PDE1C: variants seen among roughly 807,000 people sequenced by gnomAD.
PDE1C encodes phosphodiesterase 1C, also known as dual specificity calcium/calmodulin-dependent 3',5'-cyclic nucleotide phosphodiesterase 1C.
Under a neutral mutation model 93.1 loss-of-function variants are expected in PDE1C, and 62 were observed. That is an observed-to-expected ratio of 0.67 (90% confidence interval 0.54 to 0.82). PDE1C has a LOEUF of 0.82. PDE1C is among the 40% of genes least tolerant of loss of function. The probability of loss-of-function intolerance (pLI) is 0.00; values close to 1 mark genes in which losing one functional copy is unlikely to be tolerated. For synonymous variants in PDE1C, 325 were observed against 310.1 expected (o/e 1.05, Z -0.50); for missense variants, 742 against 884.6 (o/e 0.84, Z 2.04).
intron 1 of PDE1C, among the ~76,000 whole-genome samples, chr7:32,321,342 A>C (rs75477578): frequency 6.8e-4 from 103 of 152,358 alleles, no homozygotes; most frequent in Middle Eastern, 6.8e-3. Flanking sequence ...ATGACAATAA[A>C]TGTAGGAGGA....
chr7:31,789,937 C>A (rs996566886), intron 16 of PDE1C: 45 of 1,168,578 alleles, frequency 3.9e-5, no homozygotes, highest in African/African-American at 3.4e-4. Flanking sequence ...AGGTCATTAG[C>A]AAAGGATTTT....
At chr7:32,382,429 G>A (rs2128090544) in intron 1 of PDE1C, among the ~76,000 whole-genome samples, 1 of 152,256 alleles carries the variant, frequency 6.6e-6, no homozygotes, top group South Asian at 2.1e-4. Context: ...TGTCCCCAGA[G>A]CTGAGTCCTG....
intron 1 of PDE1C, among the ~76,000 whole-genome samples, chr7:32,414,443 G>T (rs548062574): frequency 6.6e-6 from 1 of 152,250 alleles, no homozygotes; most frequent in Admixed American, 6.5e-5. Context: ...CTAAAGAGAT[G>T]CTTGGAATGG....
intron 2 of PDE1C, among the ~76,000 whole-genome samples, chr7:31,975,314 A>G (rs1811516602): frequency 1.3e-5 from 2 of 152,176 alleles, no homozygotes; most frequent in African/African-American, 4.8e-5. Context: ...CCTCCAGAGT[A>G]CTTAGTCATT....
At chr7:31,688,287 TAG>T in the PDE1C span, among the ~76,000 whole-genome samples, 2 of 152,224 alleles carry the variant, frequency 1.3e-5, no homozygotes, top group Non-Finnish European at 2.9e-5. Flanking sequence ...TTCACCCAGC[TAG>T]AGAGTGGTAC....
At chr7:31,848,152 T>A in intron 8 of PDE1C, 56 bp from the exon 9 acceptor site, 2 of 1,584,058 alleles carry the variant, frequency 1.3e-6, no homozygotes, top group Non-Finnish European at 8.6e-7. Context: ...TTTACTTGGG[T>A]AATTCTAACA....
intron 16 of PDE1C, among the ~76,000 whole-genome samples, chr7:31,777,424 G>A (rs1584030965): frequency 6.6e-6 from 1 of 152,116 alleles, no homozygotes; most frequent in Non-Finnish European, 1.5e-5. Flanking sequence ...CGTCTCCCGG[G>A]TTCAAGCAAT....
At chr7:32,374,307 G>GAAAGAAAGAAAGAAAGA (rs1254001446) in intron 1 of PDE1C, among the ~76,000 whole-genome samples, 2 of 144,218 alleles carry the variant, frequency 1.4e-5, no homozygotes, top group African/African-American at 5.3e-5. Flanking sequence ...AAGAAAGAAA[G>GAAAGAAAGAAAGAAAGA]AAGAAAAGAA....
At chr7:32,129,725 A>G (rs1799815430) in intron 3 of PDE1C, among the ~76,000 whole-genome samples, 1 of 152,016 alleles carries the variant, frequency 6.6e-6, no homozygotes, top group Admixed American at 6.6e-5. Flanking sequence ...ACTTGAAAAA[A>G]CACATAAATA....
At chr7:31,966,101 C>G (rs188469773) in intron 2 of PDE1C, among the ~76,000 whole-genome samples, 1 of 152,126 alleles carries the variant, frequency 6.6e-6, no homozygotes, top group Non-Finnish European at 1.5e-5. Context: ...CAAATTCACA[C>G]GTAAGAATAC....
intron 1 of PDE1C, among the ~76,000 whole-genome samples, chr7:32,213,531 C>T (rs749219897): frequency 6.6e-6 from 1 of 152,206 alleles, no homozygotes; most frequent in Non-Finnish European, 1.5e-5. Context: ...CTTCTGTCCC[C>T]AGTGCACAAC....
intron 1 of PDE1C, among the ~76,000 whole-genome samples, chr7:32,399,835 C>T (rs1784910172): frequency 2.0e-5 from 3 of 152,100 alleles, no homozygotes; most frequent in Admixed American, 6.5e-5. Flanking sequence ...CCTCCCATTT[C>T]GGCCTCTCAA....
chr7:31,896,400 T>A (rs116953470), intron 2 of PDE1C, among the ~76,000 whole-genome samples: 3,844 of 152,286 alleles, frequency 0.025, 61 homozygotes, highest in South Asian at 0.071. Flanking sequence ...CGGACTTCTG[T>A]CTGTTCACTC....
rs541931641 is a variant in PDE1C at position 32,192,037 on chromosome 7, T to C, written c.136+17452A>G. On this transcript the variant is annotated intron_variant, in intron 2 of 18. Transcript: ENST00000396193. ...TTCTCTGGTGAAATGTCTGTTCATGTTCTTTGACCATATTCAAAATGCATC... is the reference window on the plus strand; with the variant it reads ...TTCTCTGGTGAAATGTCTGTTCATGCTCTTTGACCATATTCAAAATGCATC... Among the ~76,000 whole-genome samples the C allele has an allele frequency of 2.0e-5, 3 of 152,346 alleles. No individual in the cohort carries two copies. The East Asian group carries it at 5.8e-4, about 29-fold the overall frequency.
the PDE1C span, among the ~76,000 whole-genome samples, chr7:31,621,818 G>C: frequency 1.3e-5 from 2 of 151,258 alleles, no homozygotes; most frequent in Non-Finnish European, 2.9e-5. Context: ...TGGCAAATTG[G>C]ATAAAGAGTC....
rs79259807 is a variant in PDE1C at position 32,407,133 on chromosome 7, G to A, written c.310+20689C>T. Among the ~76,000 whole-genome samples, 330 of 152,138 alleles carry A rather than the reference G, an allele frequency of 2.2e-3. 11 individuals carry two copies. In the East Asian group the frequency reaches 0.06, roughly 28 times the overall value. ...TACTAAAAATGCAAAAAATTATCGG[G>A]GTGTAGTGGTGGGCGCCTATAATCC... On this transcript the variant is annotated intron_variant, in intron 1 of 1. Coordinates refer to the PDE1C transcript ENST00000672256.
chr7:32,176,024 A>G (rs1347081872), intron 2 of PDE1C, among the ~76,000 whole-genome samples: 1 of 152,226 alleles, frequency 6.6e-6, no homozygotes, highest in Non-Finnish European at 1.5e-5. Context: ...TAGTTGTTAC[A>G]TCTTACTGGT....
At chr7:32,296,282 C>T (rs1435632244) in intron 1 of PDE1C, among the ~76,000 whole-genome samples, 3 of 152,222 alleles carry the variant, frequency 2.0e-5, no homozygotes, top group Admixed American at 6.5e-5. Flanking sequence ...TATGTATGAA[C>T]ATATCACATT....
intron 17 of PDE1C, among the ~76,000 whole-genome samples, chr7:31,757,861 A>G (rs1283835890): frequency 6.6e-6 from 1 of 152,066 alleles, no homozygotes; most frequent in Non-Finnish European, 1.5e-5. Context: ...TGTTTATTGC[A>G]GCACTATTCA....
Sources: allele counts gnomAD v4.1 joint callset (sites outside exome capture counted in the v4.1 genomes callset), GRCh38; gene constraint gnomAD v4.1.1; transcripts MANE v1.5; gene names NCBI Gene and HGNC (gene_info 2026-07-23, HGNC 2026-07-21).